SH3GL2: variants seen among roughly 807,000 people sequenced by gnomAD.
SH3GL2 encodes SH3 domain containing GRB2 like 2, endophilin A1.
SH3GL2 carries 24 observed loss-of-function variants against 46.0 expected under a neutral mutation model. That is an observed-to-expected ratio of 0.52 (90% CI 0.38 to 0.73). The LOEUF (loss-of-function observed/expected upper bound fraction) is 0.73. Among genes scored for constraint, SH3GL2 ranks in the 30% least tolerant of loss-of-function variants. The pLI is 0.00. For synonymous variants in SH3GL2, 196 were observed against 147.1 expected (o/e 1.33, Z -2.40); for missense variants, 413 against 424.2 (o/e 0.97, Z 0.23).
intron 1 of SH3GL2, among the ~76,000 whole-genome samples, chr9:17,587,898 C>T (rs1026335516): frequency 6.9e-6 from 1 of 145,354 alleles, no homozygotes; most frequent in Non-Finnish European, 1.5e-5. Context: ...AAAACAAAAA[C>T]CAAAAAAAAA....
chr9:17,634,230 AC>A (rs1402123642), intron 1 of SH3GL2, among the ~76,000 whole-genome samples: 12 of 152,112 alleles, frequency 7.9e-5, no homozygotes, highest in African/African-American at 2.9e-4. Context: ...GTCCATACTA[AC>A]CCAGAACTGC....
At chr9:17,693,371 G>C (rs1280769154) in intron 1 of SH3GL2, among the ~76,000 whole-genome samples, 2 of 152,148 alleles carry the variant, frequency 1.3e-5, no homozygotes, top group Non-Finnish European at 2.9e-5. Flanking sequence ...GGTTGCATTA[G>C]ATGGATGAAG....
At chr9:17,730,647 T>G (rs1001729601) in intron 1 of SH3GL2, among the ~76,000 whole-genome samples, 2 of 152,270 alleles carry the variant, frequency 1.3e-5, no homozygotes, top group Non-Finnish European at 2.9e-5. Context: ...AATACCTGGT[T>G]TATTAAGTGT....
chr9:17,612,975 T>C (rs1818902867), intron 1 of SH3GL2, among the ~76,000 whole-genome samples: 3 of 152,224 alleles, frequency 2.0e-5, no homozygotes, highest in Admixed American at 2.0e-4. Flanking sequence ...TGAATTTTTT[T>C]CACAGTTTAT....
intron 1 of SH3GL2, among the ~76,000 whole-genome samples, chr9:17,689,432 T>C (rs1821013587): frequency 6.6e-6 from 1 of 152,060 alleles, no homozygotes; most frequent in Non-Finnish European, 1.5e-5. Context: ...TATTGACTCG[T>C]CAATTGTAAC....
intron 1 of SH3GL2, among the ~76,000 whole-genome samples, chr9:17,672,713 T>C (rs1056115107): frequency 3.9e-5 from 6 of 152,156 alleles, no homozygotes; most frequent in Non-Finnish European, 7.3e-5. Context: ...CTCTGTATAT[T>C]CATCAGACCG....
intron 1 of SH3GL2, among the ~76,000 whole-genome samples, chr9:17,704,422 C>T (rs1344342219): frequency 7.0e-6 from 1 of 143,788 alleles, no homozygotes; most frequent in Non-Finnish European, 1.5e-5. Context: ...ACATTCTTCA[C>T]AGAATTAGAA....
intron 1 of SH3GL2, chr9:17,590,469 A>C (rs144019219): frequency 6.6e-6 from 1 of 152,212 alleles, no homozygotes; most frequent in Non-Finnish European, 1.5e-5. Flanking sequence ...TAAGTTTAAC[A>C]AACAGTAAAA....
chr9:17,680,142 A>C (rs1820729743), intron 1 of SH3GL2, among the ~76,000 whole-genome samples: 1 of 152,194 alleles, frequency 6.6e-6, no homozygotes, highest in Non-Finnish European at 1.5e-5. Flanking sequence ...TGCTGGCCTC[A>C]TAAAATGAGT....
intron 1 of SH3GL2, among the ~76,000 whole-genome samples, chr9:17,624,962 A>C (rs1212238939): frequency 6.6e-6 from 1 of 152,204 alleles, no homozygotes; most frequent in Non-Finnish European, 1.5e-5. Flanking sequence ...GTAAATGAGG[A>C]ATATCTGTTC....
intron 1 of SH3GL2, among the ~76,000 whole-genome samples, chr9:17,622,032 C>A (rs1422663631): frequency 7.2e-5 from 11 of 152,138 alleles, no homozygotes; most frequent in African/African-American, 2.4e-4. Flanking sequence ...GGAGATCTGT[C>A]TTCTTTTGAT....
chr9:17,609,882 C>G (rs985011042), intron 1 of SH3GL2, among the ~76,000 whole-genome samples: 1 of 152,164 alleles, frequency 6.6e-6, no homozygotes, highest in African/African-American at 2.4e-5. Context: ...ACACACCACA[C>G]CTGGGCTCTC....
Position 17,755,404 on chromosome 9 carries a change from A to T in SH3GL2, c.115-6033A>T, listed in dbSNP as rs140682416. On this transcript the variant is annotated intron_variant, in intron 2 of 8. Transcript: ENST00000380607. ...TTGGTTTGCCAGCATTGTATTGAGG[A>T]TTTGCATCAGTGTTCATCAAGGACC... Among the ~76,000 whole-genome samples the T allele has an allele frequency of 3.5e-3, 536 of 152,226 alleles. 2 individuals are homozygous for T. The highest frequency in any genetic ancestry group is 0.012 in the African/African-American group (517 of 41,524).
At chr9:17,750,959 G>A (rs1191740846) in intron 2 of SH3GL2, among the ~76,000 whole-genome samples, 2 of 152,170 alleles carry the variant, frequency 1.3e-5, no homozygotes, top group African/African-American at 4.8e-5. Flanking sequence ...TTCAGGCTGG[G>A]TACATCAGGC....
intron 1 of SH3GL2, among the ~76,000 whole-genome samples, chr9:17,728,800 T>A (rs879054201): frequency 1.3e-5 from 2 of 152,182 alleles, no homozygotes; most frequent in Admixed American, 6.5e-5. Context: ...GCAAAGGACA[T>A]GAACTCATTA....
chr9:17,756,595 A>G (rs960638057), intron 2 of SH3GL2, among the ~76,000 whole-genome samples: 5 of 150,684 alleles, frequency 3.3e-5, no homozygotes, highest in Non-Finnish European at 7.4e-5. Flanking sequence ...TTGTCCTTGC[A>G]ATAGTTTGCT....
intron 1 of SH3GL2, among the ~76,000 whole-genome samples, chr9:17,617,501 A>T (rs1276221386): frequency 6.6e-6 from 1 of 152,224 alleles, no homozygotes; most frequent in Non-Finnish European, 1.5e-5. Context: ...TAAAATAACT[A>T]GCATGTTAAA....
intron 1 of SH3GL2, among the ~76,000 whole-genome samples, chr9:17,616,941 A>G (rs1478712862): frequency 6.6e-6 from 1 of 152,220 alleles, no homozygotes; most frequent in Non-Finnish European, 1.5e-5. Context: ...TTTCCTTCCC[A>G]GAGGCAACCA....
At chr9:17,587,643 C>T (rs554603086) in intron 1 of SH3GL2, among the ~76,000 whole-genome samples, 1 of 152,094 alleles carries the variant, frequency 6.6e-6, no homozygotes, top group African/African-American at 2.4e-5. Flanking sequence ...TTTGGGAGGC[C>T]GAGGTGGGCG....
Sources: allele counts gnomAD v4.1 joint callset (sites outside exome capture counted in the v4.1 genomes callset), GRCh38; gene constraint gnomAD v4.1.1; transcripts MANE v1.5; gene names NCBI Gene and HGNC (gene_info 2026-07-23, HGNC 2026-07-21).